The following ANKZF1 variants were observed in gnomAD, a reference collection of about 807,000 sequenced individuals.
The protein encoded by ANKZF1 is tRNA endonuclease ANKZF1.
ANKZF1 carries 84 observed loss-of-function variants against 86.0 expected under a neutral mutation model. That is an observed-to-expected ratio of 0.98 (90% CI 0.82 to 1.17). The LOEUF (loss-of-function observed/expected upper bound fraction) is 1.17, where lower values mean the gene tolerates loss of function less well. Ranked by LOEUF, ANKZF1 falls within the 50% of genes most tolerant of loss-of-function variation. The probability of loss-of-function intolerance (pLI) is 0.00; values close to 1 mark genes in which losing one functional copy is unlikely to be tolerated. For missense variants in ANKZF1, 893 were observed against 918.4 expected (o/e 0.97, Z 0.36); for synonymous variants, 331 against 354.2 (o/e 0.93, Z 0.74).
Position 219,233,799 on chromosome 2 carries a change from G to A in ANKZF1, c.904G>A (p.Gly302Ser). The A allele has an allele frequency of 6.2e-6, 10 of 1,614,126 alleles. No homozygotes were observed. Among genetic ancestry groups the A allele is most frequent in the Non-Finnish European group, 8.5e-6 (10 of 1,180,034 alleles). Residue 302 changes from glycine (G) to serine (S), a missense_variant, in exon 8 of 14, where the codon GGC becomes AGC. By Grantham distance (56) the Gly-to-Ser change is moderately conservative. Transcript: ENST00000323348. ...GTILLRAPRSGRSLFFGGKGA... is the reference protein window; with the variant it reads ...GTILLRAPRSSRSLFFGGKGA... Reference sequence around the variant, plus strand: ...AATACTGTTGCGTGCTCCCCGCTCTGGCCGGTCTTTGTTCTTTGGAGGCAA... The same window carrying A: ...AATACTGTTGCGTGCTCCCCGCTCTAGCCGGTCTTTGTTCTTTGGAGGCAA...
chr2:219,230,450 G>C, intron 2 of ANKZF1, 45 bp downstream of exon 2: 1 of 1,559,818 alleles, frequency 6.4e-7, no homozygotes, highest in African/African-American at 1.4e-5. Context: ...GCTCCTTACA[G>C]CGTATTGCCC....
Position 219,234,300 on chromosome 2 carries a change from A to C in ANKZF1, c.1204+12A>C, listed in dbSNP as rs377760043. On this transcript the variant is annotated intron_variant, in intron 9 of 13. Transcript: ENST00000323348. ...ATCTCCCAAACAGGGTTTGATTACT[A>C]TCTGGCAACTGTCAGATCTGAGTTT... The C allele has an allele frequency of 1.4e-5, 23 of 1,613,742 alleles. No homozygotes were observed. In the South Asian group the frequency reaches 2.0e-4, roughly 14 times the overall value.
At position 219,234,187 on chromosome 2, in the gene ANKZF1, C is replaced by G; in HGVS notation, c.1103C>G (p.Thr368Arg). 6.2e-7 allele frequency: 1 copy of G among 1,614,018 alleles called. No individual in the cohort carries two copies. The highest frequency in any genetic ancestry group is 8.5e-7 in the Non-Finnish European group (1 of 1,180,020). The change falls in exon 9 of 14, where the codon ACA becomes AGA. Residue 368 changes from threonine (T) to arginine (R), a missense_variant. By Grantham distance (71) the Thr-to-Arg change is moderately conservative. Coordinates refer to ENST00000323348, the MANE Select transcript of ANKZF1 (RefSeq NM_018089.3). ...CACTCACCTCAGACACACTGGAAAA[C>G]AGTAAGAGAGGAGAGAAAGAAGCCT... ...RLHSPQTHWK[T>R]VREERKKPTE...
chr2:219,231,851 A>C (rs750559670), intron 2 of ANKZF1, 77 bp from the exon 3 acceptor site: 7 of 1,217,970 alleles, frequency 5.7e-6, no homozygotes, highest in Non-Finnish European at 3.6e-6. Flanking sequence ...TGCTTTGTAT[A>C]TCACACTCTG....
intron 5 of ANKZF1, 159 bp from the exon 6 acceptor site, chr2:219,232,920 T>A: frequency 1.2e-6 from 1 of 859,724 alleles, no homozygotes; most frequent in Non-Finnish European, 1.8e-6. Flanking sequence ...CCACTTCATC[T>A]TGACTGCCTC....
At chr2:219,232,431 T>C (rs541348687) in intron 4 of ANKZF1, 59 bp from the exon 5 acceptor site, 43 of 1,611,236 alleles carry the variant, frequency 2.7e-5, no homozygotes, top group Middle Eastern at 1.7e-4. Context: ...AGTTTAGAGT[T>C]TGAGGAAAGA....
At chr2:219,236,151 G>C in intron 13 of ANKZF1, 56 bp downstream of exon 13, 1 of 1,608,194 alleles carries the variant, frequency 6.2e-7, no homozygotes, top group South Asian at 1.1e-5. Context: ...GGACCATTGG[G>C]GGCAAGAGAA....
rs1028425585 is a variant in ANKZF1 at position 219,236,551 on chromosome 2, G to A, written c.*106G>A. The stretch of plus-strand genomic sequence containing the variant: ...GAAACCAGAGATGATTTGGAAGATG[G>A]GGGTGAAGGACACTCGGGAACTAGG... On this transcript the variant is annotated 3_prime_UTR_variant, in exon 14 of 14. Transcript: ENST00000323348. 1 of 1,429,982 alleles carries A rather than the reference G, an allele frequency of 7.0e-7. No homozygotes were observed. The highest frequency in any genetic ancestry group is 9.4e-7 in the Non-Finnish European group (1 of 1,068,044). 88.6% of individuals were successfully genotyped at this position (1,429,982 alleles called of 1,614,324 possible).
rs1951091689 is a variant in ANKZF1 at position 219,233,151 on chromosome 2, A to G, written c.631A>G (p.Met211Val). ...SRGPRDCVVL[M>V]AAAGHFAGAI... is the part of the protein sequence containing the mutation. ...AGGTCCCAGAGACTGCGTGGTGCTC[A>G]TGGCTGCAGCTGGGCACTTTGCTGG... Residue 211 changes from methionine (M) to valine (V), a missense_variant, in exon 6 of 14, where the codon ATG (methionine) becomes GTG (valine). Physicochemically the swap from Met to Val is conservative, Grantham distance 21. Coordinates refer to ENST00000323348, the MANE Select transcript of ANKZF1 (RefSeq NM_018089.3). 1 of 1,614,070 alleles carries G rather than the reference A, an allele frequency of 6.2e-7. No homozygotes were observed. Among genetic ancestry groups the G allele is most frequent in the Non-Finnish European group, 8.5e-7 (1 of 1,179,904 alleles).
In ANKZF1 at chr2:219,235,300, A is replaced by G; in HGVS notation, c.1679A>G (p.Asp560Gly). ...VVRLLLEAGA[D>G]PTVQDSRARP... is the part of the protein sequence containing the mutation. ...CGTCTGCTGCTGGAAGCAGGTGCTGACCCCACTGTGCAGTGAGTAAAGGTC... is the reference window on the plus strand; with the variant it reads ...CGTCTGCTGCTGGAAGCAGGTGCTGGCCCCACTGTGCAGTGAGTAAAGGTC... Residue 560 changes from aspartate (D) to glycine (G), a missense_variant, in exon 10 of 14, where the codon GAC (aspartate) becomes GGC (glycine). Physicochemically the swap from Asp to Gly is moderately conservative, Grantham distance 94 (BLOSUM62 -1). Coordinates refer to ENST00000323348, the MANE Select transcript of ANKZF1 (RefSeq NM_018089.3). The G allele has an allele frequency of 6.2e-7, 1 of 1,610,920 alleles. No individual in the cohort carries two copies. Among genetic ancestry groups the G allele is most frequent in the Non-Finnish European group, 8.5e-7 (1 of 1,179,588 alleles).
chr2:219,230,326 T>C lies in ANKZF1; in HGVS notation c.69T>C (p.Ala23=), dbSNP rs549349582. 1 of 1,614,094 alleles carries C rather than the reference T, an allele frequency of 6.2e-7. No homozygotes were observed. The highest frequency in any genetic ancestry group is 1.3e-5 in the African/African-American group (1 of 75,050). The change falls in exon 2 of 14, where the codon GCT becomes GCC. Residue 23 remains alanine, a synonymous_variant. Transcript: ENST00000323348. ...CCCTGTTTGACCTCAGCGCGGATGCTCCGGTCTTTCAGGGCCTGAGCCTGG... is the reference window on the plus strand; with the variant it reads ...CCCTGTTTGACCTCAGCGCGGATGCCCCGGTCTTTCAGGGCCTGAGCCTGG... The part of the protein sequence containing the change: ...SISLFDLSAD[A]PVFQGLSLVS...
chr2:219,235,469 C>G lies in ANKZF1; in HGVS notation c.1692-5C>G. 1 of 1,613,634 alleles carries G rather than the reference C, an allele frequency of 6.2e-7. No individual in the cohort carries two copies. Among genetic ancestry groups the G allele is most frequent in the Non-Finnish European group, 8.5e-7 (1 of 1,179,826 alleles). On this transcript the variant is annotated splice_polypyrimidine_tract_variant and splice_region_variant and intron_variant, in intron 10 of 13. Coordinates refer to ENST00000323348, the MANE Select transcript of ANKZF1 (RefSeq NM_018089.3). ...TAAACCCATTTTTGGAGTTTTTGCA[C>G]CTAGGGACTCTCGGGCCCGGCCACC...
In ANKZF1 at chr2:219,235,697, A is replaced by G. The variant is rs1327905456; in HGVS notation, c.1804-11A>G. The stretch of plus-strand genomic sequence containing the variant: ...GATAACTTATAGGGTCTTATATTTG[A>G]AATCCTCCAGGTGCCAGGACCATTG... On this transcript the variant is annotated splice_polypyrimidine_tract_variant and intron_variant, in intron 11 of 13. Transcript: ENST00000323348. 1.2e-6 allele frequency: 2 copies of G among 1,613,722 alleles called. No homozygotes were observed. Among genetic ancestry groups the G allele is most frequent in the Admixed American group, 3.3e-5 (2 of 60,006 alleles).
At chr2:219,232,910 C>A in intron 5 of ANKZF1, 169 bp from the exon 6 acceptor site, 2 of 823,678 alleles carry the variant, frequency 2.4e-6, no homozygotes, top group Non-Finnish European at 3.8e-6. Flanking sequence ...TGTGATTCTA[C>A]CACTTCATCT....
Position 219,234,257 on chromosome 2 carries a change from GC to G in ANKZF1, c.1174del (p.Leu392TrpfsTer22), listed in dbSNP as rs1289598805. The G allele has an allele frequency of 9.3e-6, 15 of 1,613,968 alleles. No individual in the cohort carries two copies. Among genetic ancestry groups the G allele is most frequent in the Non-Finnish European group, 1.3e-5 (15 of 1,180,040 alleles). ...RKICRDEKEA[L>X]GQNEESPKQG... ...AGATCTGCAGGGATGAAAAGGAAGC[GC>G]TGGGGCAGAATGAGGAATCTCCCAA... On this transcript the variant is annotated frameshift_variant, in exon 9 of 14. Transcript: ENST00000323348. LOFTEE classifies it high-confidence loss of function.
Position 219,236,092 on chromosome 2 carries a change from C to G in ANKZF1, c.2054C>G (p.Thr685Ser), listed in dbSNP as rs1574857132. 1 of 1,614,176 alleles carries G rather than the reference C, an allele frequency of 6.2e-7. No individual in the cohort carries two copies. The highest frequency in any genetic ancestry group is 8.5e-7 in the Non-Finnish European group (1 of 1,180,036). Residue 685 changes from threonine (T) to serine (S), a missense_variant, in exon 13 of 14, where the codon ACT (threonine) becomes AGT (serine). Coordinates refer to ENST00000323348, the MANE Select transcript of ANKZF1 (RefSeq NM_018089.3). ...ATCCCTGACTCTGCAATCGTCAATACTCGGTATGGGGTGCGGGATGAGGGA... is the reference window on the plus strand; with the variant it reads ...ATCCCTGACTCTGCAATCGTCAATAGTCGGTATGGGGTGCGGGATGAGGGA... ...SPIPDSAIVN[T>S]RRCWSCGASL...
chr2:219,231,417 CAG>C (rs1261188220), intron 2 of ANKZF1: 3 of 157,744 alleles, frequency 1.9e-5, no homozygotes, highest in Non-Finnish European at 2.8e-5. Flanking sequence ...TTTTTTGAGA[CAG>C]AGTCTCGTTC....
In ANKZF1 at chr2:219,233,147, G is replaced by A. The variant is rs535272919; in HGVS notation, c.627G>A (p.Val209=). 1.2e-6 allele frequency: 2 copies of A among 1,614,232 alleles called. No homozygotes were observed. The highest frequency in any genetic ancestry group is 2.2e-5 in the East Asian group (1 of 44,890). The change falls in exon 6 of 14, where the codon GTG becomes GTA. Residue 209 remains valine, a synonymous_variant. Coordinates refer to ENST00000323348, the MANE Select transcript of ANKZF1 (RefSeq NM_018089.3). ...LQSRGPRDCV[V]LMAAAGHFAG... is the part of the protein sequence containing the mutation. ...GTAGAGGTCCCAGAGACTGCGTGGT[G>A]CTCATGGCTGCAGCTGGGCACTTTG...
In ANKZF1 at chr2:219,235,886, A is replaced by T; in HGVS notation, c.1971+11A>T. The T allele has an allele frequency of 6.2e-7, 1 of 1,614,032 alleles. No homozygotes were observed. Among genetic ancestry groups the T allele is most frequent in the Non-Finnish European group, 8.5e-7 (1 of 1,179,918 alleles). ...AGTGACCGAGAGAAGGTGAGGCTGG[A>T]GGTTCTCTTGTCCATGGCAAGGCTT... On this transcript the variant is annotated intron_variant, in intron 12 of 13. Coordinates refer to ENST00000323348, the MANE Select transcript of ANKZF1 (RefSeq NM_018089.3).
Sources: allele counts gnomAD v4.1 joint callset, GRCh38; gene constraint gnomAD v4.1.1; transcripts MANE v1.5; gene names NCBI Gene and HGNC (gene_info 2026-07-23, HGNC 2026-07-21).